CADPS2: variants seen among roughly 807,000 people sequenced by gnomAD.
CADPS2 encodes the protein calcium dependent secretion activator 2.
Under a neutral mutation model 172.5 loss-of-function variants are expected in CADPS2, and 93 were observed. The observed-to-expected ratio is 0.54, with a 90% CI of 0.46 to 0.64. CADPS2 has a LOEUF of 0.64. Among genes scored for constraint, CADPS2 ranks in the 30% least tolerant of loss-of-function variants. The probability of loss-of-function intolerance (pLI) is 0.00; values close to 1 mark genes in which losing one functional copy is unlikely to be tolerated. For synonymous variants in CADPS2, 546 were observed against 555.2 expected (o/e 0.98, Z 0.23); for missense variants, 1,420 against 1,565.9 (o/e 0.91, Z 1.57).
At chr7:122,361,457 C>T (rs923849576) in intron 25 of CADPS2, among the ~76,000 whole-genome samples, 1 of 151,996 alleles carries the variant, frequency 6.6e-6, no homozygotes, top group Admixed American at 6.6e-5. Flanking sequence ...TGGTCTCAAA[C>T]TCCTGACCTT....
chr7:122,572,599 A>G (rs762407107), intron 7 of CADPS2, among the ~76,000 whole-genome samples: 107 of 152,166 alleles, frequency 7.0e-4, no homozygotes, highest in Non-Finnish European at 1.2e-3. Context: ...ACCCAGGAGT[A>G]TATACTACCC....
At chr7:122,851,560 A>T (rs1337643877) in intron 1 of CADPS2, among the ~76,000 whole-genome samples, 2 of 152,208 alleles carry the variant, frequency 1.3e-5, no homozygotes, top group African/African-American at 2.4e-5. Context: ...TGCTGCTAAT[A>T]AAGACATACC....
intron 6 of CADPS2, among the ~76,000 whole-genome samples, chr7:122,610,241 T>C (rs2074125019): frequency 1.3e-5 from 2 of 152,044 alleles, no homozygotes; most frequent in African/African-American, 4.8e-5. Flanking sequence ...CATGCACTTG[T>C]TCCCCAATAT....
At chr7:122,353,048 C>T (rs948437320) in intron 27 of CADPS2, among the ~76,000 whole-genome samples, 5 of 152,078 alleles carry the variant, frequency 3.3e-5, no homozygotes, top group Non-Finnish European at 1.5e-5. Context: ...ATGTGCTCAT[C>T]GAATTCTGAA....
rs558827331 is a variant in CADPS2, at chr7:122,698,590, C to T, written c.454-35021G>A. 726 of 1,613,998 alleles carry T rather than the reference C, an allele frequency of 4.5e-4. 7 individuals carry two copies. In the South Asian group the frequency reaches 7.6e-3, roughly 17 times the overall value. On this transcript the variant is annotated intron_variant, in intron 2 of 29. Transcript: ENST00000449022. Reference sequence around the variant, plus strand: ...CACTTTAATTTTCTGTGTGAAGGTACAACCTCCCCGTTCAATAAGTGCAAG... The same window carrying T: ...CACTTTAATTTTCTGTGTGAAGGTATAACCTCCCCGTTCAATAAGTGCAAG...
chr7:122,772,919 C>G (rs1218223067), intron 1 of CADPS2, among the ~76,000 whole-genome samples: 2 of 152,002 alleles, frequency 1.3e-5, no homozygotes, highest in South Asian at 4.1e-4. Context: ...AAAAAGTCAA[C>G]AATTTTAAAT....
intron 2 of CADPS2, among the ~76,000 whole-genome samples, chr7:122,704,054 CT>C (rs1439706961): frequency 1.3e-5 from 2 of 152,052 alleles, no homozygotes; most frequent in Non-Finnish European, 2.9e-5. Flanking sequence ...TATAGGTTAT[CT>C]TCTATGTGCT....
At chr7:122,868,934 T>C (rs144661828) in intron 1 of CADPS2, among the ~76,000 whole-genome samples, 291 of 152,222 alleles carry the variant, frequency 1.9e-3, no homozygotes, top group African/African-American at 6.7e-3. Context: ...ACAGGTTGAA[T>C]AGCAGCCTAA....
chr7:122,589,436 T>G (rs2133145405), intron 6 of CADPS2, among the ~76,000 whole-genome samples: 1 of 152,012 alleles, frequency 6.6e-6, no homozygotes, highest in South Asian at 2.1e-4. Flanking sequence ...TATAAGCAAT[T>G]AAGGCAGTCT....
At chr7:122,883,789 C>T (rs1823573794) in intron 1 of CADPS2, among the ~76,000 whole-genome samples, 1 of 152,132 alleles carries the variant, frequency 6.6e-6, no homozygotes, top group Non-Finnish European at 1.5e-5. Context: ...TTAACCTGTG[C>T]TCAATGCTCT....
At chr7:122,849,883 T>C in intron 1 of CADPS2, 1 of 580,236 alleles carries the variant, frequency 1.7e-6, no homozygotes, top group Non-Finnish European at 3.3e-6. Flanking sequence ...AGGCCTCAGC[T>C]TTGGCCCCAG....
chr7:122,498,856 T>C (rs994480130), intron 9 of CADPS2, among the ~76,000 whole-genome samples: 23 of 152,300 alleles, frequency 1.5e-4, no homozygotes, highest in Admixed American at 3.3e-4. Flanking sequence ...GCTGAAATTC[T>C]TAGTGGTGTA....
chr7:122,706,200 C>T, intron 2 of CADPS2, among the ~76,000 whole-genome samples: 1 of 62,284 alleles, frequency 1.6e-5, no homozygotes, highest in Non-Finnish European at 2.9e-5. Context: ...CTTATATATT[C>T]AAGGAATACA....
At chr7:122,576,563 TA>T (rs1459683470) in intron 7 of CADPS2, among the ~76,000 whole-genome samples, 5 of 152,162 alleles carry the variant, frequency 3.3e-5, no homozygotes, top group Non-Finnish European at 7.3e-5. Flanking sequence ...CTTTGTAACA[TA>T]AAGTTCTATA....
intron 14 of CADPS2, among the ~76,000 whole-genome samples, chr7:122,453,125 T>C (rs570928243): frequency 1.4e-4 from 22 of 152,272 alleles, no homozygotes; most frequent in African/African-American, 4.8e-4. Context: ...TATTCCTAAA[T>C]AGGGAAACAT....
chr7:122,723,815 T>A (rs2090765363), intron 2 of CADPS2, among the ~76,000 whole-genome samples: 1 of 152,126 alleles, frequency 6.6e-6, no homozygotes, highest in African/African-American at 2.4e-5. Context: ...TAAGAAAATG[T>A]GGCACATATA....
chr7:122,734,385 A>G (rs2091970553), intron 2 of CADPS2, among the ~76,000 whole-genome samples: 1 of 88,952 alleles, frequency 1.1e-5, no homozygotes, highest in African/African-American at 3.7e-5. Context: ...AAAAAAAAAA[A>G]AGAAAAAAAA....
At chr7:122,589,269 A>C (rs1424521463) in intron 6 of CADPS2, among the ~76,000 whole-genome samples, 2 of 151,970 alleles carry the variant, frequency 1.3e-5, no homozygotes, top group Non-Finnish European at 2.9e-5. Flanking sequence ...ATAATGTAAC[A>C]ACCTCTGAAA....
At chr7:122,434,831 T>G (rs1279488055) in intron 17 of CADPS2, among the ~76,000 whole-genome samples, 1 of 152,142 alleles carries the variant, frequency 6.6e-6, no homozygotes, top group Non-Finnish European at 1.5e-5. Flanking sequence ...GCTTACTTTT[T>G]ATTTAATAGC....
Sources: gnomAD v4.1 joint callset for allele counts (sites outside exome capture counted in the v4.1 genomes callset) on GRCh38, gnomAD v4.1.1 for gene constraint, MANE v1.5 for transcripts, NCBI Gene and HGNC (gene_info 2026-07-23, HGNC 2026-07-21) for gene names.